Variants in MCTP2 observed in about 807,000 individuals in gnomAD.
The protein encoded by MCTP2 is multiple C2 and transmembrane domain containing 2.
A neutral mutation model predicts 111.6 loss-of-function variants in MCTP2; 132 were observed. The observed-to-expected ratio is 1.18, with a 90% CI of 1.03 to 1.37. The LOEUF (loss-of-function observed/expected upper bound fraction) is 1.37. Among genes scored for constraint, MCTP2 ranks in the 40% most tolerant of loss-of-function variants. The pLI is 0.00. For synonymous variants in MCTP2, 395 were observed against 387.7 expected, an observed-to-expected ratio of 1.02 and a Z score of -0.22; for missense variants, 1,183 against 1,067.9, an observed-to-expected ratio of 1.11 and a Z score of -1.50.
chr15:94,346,391 C>T (rs746904519), intron 8 of MCTP2, among the ~76,000 whole-genome samples: 18 of 152,116 alleles, frequency 1.2e-4, no homozygotes, highest in African/African-American at 2.4e-4. Context: ...AATAATAACA[C>T]GGAGCCATCT....
At chr15:94,472,164 G>A (rs774407017) in intron 21 of MCTP2, among the ~76,000 whole-genome samples, 11 of 152,216 alleles carry the variant, frequency 7.2e-5, no homozygotes, top group Non-Finnish European at 1.2e-4. Context: ...GATCACCCGA[G>A]GTCAGGAGTT....
intron 17 of MCTP2, chr15:94,402,827 T>G: frequency 7.5e-7 from 1 of 1,327,018 alleles, no homozygotes; most frequent in Middle Eastern, 2.9e-4. Context: ...AAGATCACTA[T>G]AAAAACTAAT....
intron 14 of MCTP2, among the ~76,000 whole-genome samples, chr15:94,392,509 C>T (rs1056920102): frequency 9.2e-5 from 14 of 151,656 alleles, no homozygotes; most frequent in African/African-American, 3.4e-4. Flanking sequence ...ATTATGTATT[C>T]AGCATTTTAA....
chr15:94,354,407 C>T (rs1012650780), intron 8 of MCTP2, among the ~76,000 whole-genome samples: 3 of 152,164 alleles, frequency 2.0e-5, no homozygotes, highest in Non-Finnish European at 4.4e-5. Context: ...TTCCCCCATG[C>T]TGTTCTCATG....
At chr15:94,324,416 C>T (rs1008035288) in intron 4 of MCTP2, among the ~76,000 whole-genome samples, 5 of 152,170 alleles carry the variant, frequency 3.3e-5, no homozygotes, top group Non-Finnish European at 7.3e-5. Context: ...CTCTTGTGGC[C>T]ACTCTGTAGC....
intron 1 of MCTP2, among the ~76,000 whole-genome samples, chr15:94,235,480 T>G (rs1414104015): frequency 2.0e-5 from 3 of 152,110 alleles, no homozygotes; most frequent in African/African-American, 7.2e-5. Context: ...GGTCTTAATA[T>G]TTAAGAGAAC....
intron 1 of MCTP2, among the ~76,000 whole-genome samples, chr15:94,232,371 T>C (rs1350934829): frequency 6.6e-6 from 1 of 152,190 alleles, no homozygotes; most frequent in Non-Finnish European, 1.5e-5. Flanking sequence ...CTCCTCTAGA[T>C]GCTTACAAGA....
intron 14 of MCTP2, among the ~76,000 whole-genome samples, chr15:94,396,367 C>G (rs2081281657): frequency 6.6e-6 from 1 of 151,874 alleles, no homozygotes; most frequent in Non-Finnish European, 1.5e-5. Context: ...TTAATAGAAG[C>G]TTTAAGGTTA....
At chr15:94,315,496 A>T (rs2076338445) in intron 3 of MCTP2, 33 bp from the exon 4 acceptor site, 10 of 1,514,294 alleles carry the variant, frequency 6.6e-6, no homozygotes, top group Non-Finnish European at 9.2e-6. Flanking sequence ...GGCCCAAGAC[A>T]TACTGTCTTA....
chr15:94,378,246 G>T (rs529730598), intron 12 of MCTP2, among the ~76,000 whole-genome samples: 1 of 152,102 alleles, frequency 6.6e-6, no homozygotes, highest in African/African-American at 2.4e-5. Context: ...TTAGGGCCAA[G>T]CGCAGTGACT....
chr15:94,267,692 T>G (rs1596227041), intron 1 of MCTP2, among the ~76,000 whole-genome samples: 1 of 152,044 alleles, frequency 6.6e-6, no homozygotes, highest in African/African-American at 2.4e-5. Context: ...GTTTACATTC[T>G]TATAATCAAT....
intron 10 of MCTP2, among the ~76,000 whole-genome samples, chr15:94,358,991 A>G (rs7169156): frequency 1.1e-3 from 161 of 152,316 alleles, no homozygotes; most frequent in African/African-American, 3.7e-3. Flanking sequence ...TGATGGAAGC[A>G]TTTCGCTGTC....
chr15:94,407,412 A>G (rs1242457090), intron 17 of MCTP2, among the ~76,000 whole-genome samples: 1 of 152,178 alleles, frequency 6.6e-6, no homozygotes, highest in Non-Finnish European at 1.5e-5. Flanking sequence ...TTTTACTTGG[A>G]TGTTTGATCT....
chr15:94,450,693 G>A (rs2084391260), intron 19 of MCTP2, among the ~76,000 whole-genome samples: 1 of 152,066 alleles, frequency 6.6e-6, no homozygotes, highest in South Asian at 2.1e-4. Context: ...ATTACTGGGA[G>A]GATTTTGAGA....
chr15:94,403,070 C>T, intron 17 of MCTP2: 1 of 987,168 alleles, frequency 1.0e-6, no homozygotes. Flanking sequence ...TCAAGTATAT[C>T]AGCTCCAAAA....
intron 17 of MCTP2, among the ~76,000 whole-genome samples, chr15:94,434,059 A>G (rs889752410): frequency 3.3e-5 from 5 of 152,074 alleles, no homozygotes; most frequent in Non-Finnish European, 7.4e-5. Flanking sequence ...CCTTTCAAAG[A>G]GCAAAAGGAG....
chr15:94,419,923 T>C (rs1309870653), intron 17 of MCTP2, among the ~76,000 whole-genome samples: 1 of 152,162 alleles, frequency 6.6e-6, no homozygotes, highest in Admixed American at 6.6e-5. Context: ...CAGTCTTCTG[T>C]TGGAAGAAGA....
intron 20 of MCTP2, 143 bp from the exon 21 acceptor site, chr15:94,470,190 C>G: frequency 1.7e-6 from 1 of 605,510 alleles, no homozygotes; most frequent in Middle Eastern, 3.6e-4. Flanking sequence ...GGCAGACTCT[C>G]ATCTTGAGGT....
intron 12 of MCTP2, among the ~76,000 whole-genome samples, chr15:94,377,594 C>A (rs540612681): frequency 3.4e-4 from 51 of 152,170 alleles, no homozygotes; most frequent in African/African-American, 1.2e-3. Flanking sequence ...TTCTTAGTAA[C>A]GTTTAAATTT....
Sources: gnomAD v4.1 joint callset for allele counts (sites outside exome capture counted in the v4.1 genomes callset) on GRCh38, gnomAD v4.1.1 for gene constraint, MANE v1.5 for transcripts, NCBI Gene and HGNC (gene_info 2026-07-23, HGNC 2026-07-21) for gene names.